Variants in MIA2 observed in about 807,000 individuals in gnomAD.
MIA2 encodes the protein MIA SH3 domain ER export factor 2.
In MIA2, 127 loss-of-function variants were observed where a neutral mutation model predicts 167.8. The observed-to-expected ratio is 0.76, with a 90% CI of 0.66 to 0.88. The LOEUF (loss-of-function observed/expected upper bound fraction) is 0.88. Among genes scored for constraint, MIA2 ranks in the 40% least tolerant of loss-of-function variants. The pLI is 0.00. For missense variants in MIA2, 1,690 were observed against 1,624.7 expected (o/e 1.04, Z -0.69); for synonymous variants, 552 against 541.9 (o/e 1.02, Z -0.26).
In MIA2 at chr14:39,347,682, G is replaced by C. The variant is rs371016935; in HGVS notation, c.3779-31G>C. ...CTCTAGGAATAAAGTGATAAATCAT[G>C]TACTTTTCATGGTTTAACTTTTATG... On this transcript the variant is annotated intron_variant, in intron 26 of 28. Coordinates refer to ENST00000640607, the MANE Select transcript of MIA2 (RefSeq NM_001329214.4). 6.2e-6 allele frequency: 10 copies of C among 1,604,982 alleles called. No individual in the cohort carries two copies. In the East Asian group the frequency reaches 2.2e-4, roughly 36 times the overall value.
rs1460725443 is a variant in MIA2 at position 39,294,944 on chromosome 14, T to C, written c.2411T>C (p.Ile804Thr). The change falls in exon 13 of 29, where the codon ATA becomes ACA. Residue 804 changes from isoleucine (I) to threonine (T), a missense_variant. Physicochemically the swap from Ile to Thr is moderately conservative, Grantham distance 89. Transcript: ENST00000640607. ...ACTTAGGCCAAAATGACCTTCAAGA[T>C]ATTTCAAATGAATGAAGAACGACTG... ...QVAEAKMTFKIFQMNEERLKI... is the reference protein window; with the variant it reads ...QVAEAKMTFKTFQMNEERLKI... The C allele has an allele frequency of 6.2e-7, 1 of 1,612,958 alleles. No individual in the cohort carries two copies. The highest frequency in any genetic ancestry group is 8.5e-7 in the Non-Finnish European group (1 of 1,179,376).
At chr14:39,355,263 G>C (rs1033024373), downstream of MIA2, among the ~76,000 whole-genome samples, 5 of 152,268 alleles carry the variant, frequency 3.3e-5, no homozygotes, top group African/African-American at 1.2e-4. Context: ...TTCTTGAACA[G>C]GTTCTTCACA....
intron 25 of MIA2, among the ~76,000 whole-genome samples, chr14:39,336,224 T>C (rs985306593): frequency 6.6e-6 from 1 of 152,230 alleles, no homozygotes; most frequent in Middle Eastern, 3.2e-3. Context: ...CCTCCAACAG[T>C]GTATAAGCAT....
chr14:39,304,292 T>G lies in MIA2; in HGVS notation c.2789T>G (p.Leu930Ter). 1 of 1,418,468 alleles carries G rather than the reference T, an allele frequency of 7.0e-7. No individual in the cohort carries two copies. The highest frequency in any genetic ancestry group is 9.7e-7 in the Non-Finnish European group (1 of 1,029,460). The allele number at this position is 1,418,468 out of a possible 1,614,324, so 87.9% of individuals were successfully genotyped here. ...TTTTCCTTCTTCCCTTCTTTAAAGT[T>G]AAATGCTTCTTTAAAAACCTTAGAA... ...ALKKLIHAAK[L>*]NASLKTLEGE... The change falls in exon 17 of 29, where the codon TTA (leucine) becomes TGA (stop). Residue 930 changes from leucine to a stop codon, truncating the protein, a stop_gained and splice_region_variant. Transcript: ENST00000640607. LOFTEE classifies it high-confidence loss of function.
At chr14:39,259,531 C>CT (rs550206490) in intron 6 of MIA2, among the ~76,000 whole-genome samples, 52 of 151,712 alleles carry the variant, frequency 3.4e-4, no homozygotes, top group African/African-American at 1.1e-3. Flanking sequence ...CTCTCTTTCT[C>CT]TTTTTTTTCT....
intron 23 of MIA2, among the ~76,000 whole-genome samples, chr14:39,374,153 G>A (rs2075003577): frequency 6.6e-6 from 1 of 152,234 alleles, no homozygotes; most frequent in Non-Finnish European, 1.5e-5. Flanking sequence ...GTTCCAGAGT[G>A]AAGACTGGAA....
intron 25 of MIA2, among the ~76,000 whole-genome samples, chr14:39,337,313 A>G (rs2153038666): frequency 6.6e-6 from 1 of 152,318 alleles, no homozygotes; most frequent in South Asian, 2.1e-4. Flanking sequence ...ACTGAGAGGA[A>G]CAAAGACAAA....
At chr14:39,384,604 A>G (rs566150757) in intron 23 of MIA2, among the ~76,000 whole-genome samples, 2 of 152,270 alleles carry the variant, frequency 1.3e-5, no homozygotes, top group Admixed American at 6.5e-5. Flanking sequence ...CACAGTATAT[A>G]TTTGGCCATT....
intron 14 of MIA2, among the ~76,000 whole-genome samples, chr14:39,301,043 C>T (rs1000679949): frequency 1.2e-3 from 2 of 1,696 alleles, no homozygotes; most frequent in African/African-American, 3.7e-3. Context: ...TATACATACA[C>T]ACACACACAC....
chr14:39,238,793 C>CAAAAAAAAA lies in MIA2; in HGVS notation c.249+1748_250-1750dup, dbSNP rs769534317. ...TGGGTTACAAAGTGAGACCCTGTCT[C>CAAAAAAAAA]AAAAAAAAAAAAAAAAAACCCAAAA... On this transcript the variant is annotated intron_variant, in intron 2 of 28. Transcript: ENST00000640607. 7.2e-3 allele frequency among the ~76,000 whole-genome samples: 221 copies of CAAAAAAAAA among 30,792 alleles called. 20 individuals carry two copies. The highest frequency in any genetic ancestry group is 0.036 in the African/African-American group (196 of 5,508). 20.2% of individuals were successfully genotyped at this position (30,792 alleles called of 152,430 possible).
chr14:39,240,523 C>A (rs2152610546), intron 2 of MIA2, 38 bp from the exon 3 acceptor site: 1 of 1,489,772 alleles, frequency 6.7e-7, no homozygotes, highest in South Asian at 1.1e-5. Context: ...TTGCTTTGAT[C>A]ATTCTTCCTC....
At chr14:39,332,262 G>A (rs1378749472) in intron 25 of MIA2, among the ~76,000 whole-genome samples, 2 of 152,136 alleles carry the variant, frequency 1.3e-5, no homozygotes, top group Non-Finnish European at 2.9e-5. Context: ...TATGCTTCAT[G>A]AAGTTCTCGT....
At chr14:39,271,368 A>G (rs1368190383) in intron 6 of MIA2, among the ~76,000 whole-genome samples, 1 of 151,976 alleles carries the variant, frequency 6.6e-6, no homozygotes, top group Non-Finnish European at 1.5e-5. Flanking sequence ...TTTTTTACCC[A>G]ATGTCTTGAT....
chr14:39,270,082 A>G (rs1373321816), intron 6 of MIA2, among the ~76,000 whole-genome samples: 1 of 151,924 alleles, frequency 6.6e-6, no homozygotes, highest in Non-Finnish European at 1.5e-5. Flanking sequence ...CCCCACCAGC[A>G]GTTTATGAGG....
chr14:39,298,267 T>G (rs2152856849), intron 13 of MIA2, among the ~76,000 whole-genome samples: 1 of 151,844 alleles, frequency 6.6e-6, no homozygotes, highest in South Asian at 2.1e-4. Flanking sequence ...TGATGCCATG[T>G]TCTAATGCAC....
At chr14:39,347,343 G>T (rs1170908626) in intron 26 of MIA2, among the ~76,000 whole-genome samples, 1 of 152,158 alleles carries the variant, frequency 6.6e-6, no homozygotes, top group Non-Finnish European at 1.5e-5. Context: ...TTACTTAATG[G>T]AGGAATAAGG....
chr14:39,253,231 G>A, intron 6 of MIA2, 60 bp downstream of exon 6: 4 of 1,588,676 alleles, frequency 2.5e-6, no homozygotes, highest in Non-Finnish European at 3.4e-6. Flanking sequence ...ATATAAGAGT[G>A]GCTACAAAAT....
chr14:39,315,863 C>A, intron 21 of MIA2, 145 bp downstream of exon 21: 1 of 588,270 alleles, frequency 1.7e-6, no homozygotes, highest in Non-Finnish European at 2.9e-6. Flanking sequence ...AAATTATGTT[C>A]CTTGTGAACT....
chr14:39,289,654 A>T (rs2060459878), intron 9 of MIA2, among the ~76,000 whole-genome samples: 1 of 152,200 alleles, frequency 6.6e-6, no homozygotes, highest in Admixed American at 6.5e-5. Context: ...CTTTTAAAAA[A>T]TATTTTGTTG....
Sources: allele counts gnomAD v4.1 joint callset (sites outside exome capture counted in the v4.1 genomes callset), GRCh38; gene constraint gnomAD v4.1.1; transcripts MANE v1.5; gene names NCBI Gene and HGNC (gene_info 2026-07-23, HGNC 2026-07-21).